TSPAN10: variants seen among roughly 807,000 people sequenced by gnomAD.
The protein encoded by TSPAN10 is tetraspanin 10.
TSPAN10 carries 11 observed loss-of-function variants against 15.0 expected under a neutral mutation model. The ratio of observed to expected loss-of-function variants is 0.73; its 90% confidence interval spans 0.46 to 1.21. TSPAN10 has a LOEUF of 1.21. Ranked by LOEUF, TSPAN10 falls within the 50% of genes most tolerant of loss-of-function variation. The probability of loss-of-function intolerance (pLI) is 0.00; values close to 1 mark genes in which losing one functional copy is unlikely to be tolerated. For missense variants in TSPAN10, 486 were observed against 470.6 expected (o/e 1.03, Z -0.30); for synonymous variants, 241 against 226.2 (o/e 1.07, Z -0.59).
At chr17:81,648,297 G>A (rs1009041804), downstream of TSPAN10, 2 of 1,206,682 alleles carry the variant, frequency 1.7e-6, no homozygotes, top group Non-Finnish European at 2.1e-6. Context: ...GGGGCTGAGC[G>A]CACGCCCCGA....
At chr17:81,640,593 C>T (rs1385950167), upstream of TSPAN10, among the ~76,000 whole-genome samples, 3 of 152,090 alleles carry the variant, frequency 2.0e-5, no homozygotes, top group South Asian at 4.1e-4. Context: ...GGATTACAGG[C>T]ATGCGCCACG....
chr17:81,644,902 G>T, intron 1 of TSPAN10, 90 bp from the exon 3 acceptor site: 2 of 1,546,936 alleles, frequency 1.3e-6, no homozygotes, highest in Non-Finnish European at 1.7e-6. Flanking sequence ...TCCCTCGAAG[G>T]CTCTGCCACC....
At chr17:81,640,733 C>G (rs1234202067), upstream of TSPAN10, among the ~76,000 whole-genome samples, 1 of 152,108 alleles carries the variant, frequency 6.6e-6, no homozygotes, top group East Asian at 1.9e-4. Context: ...CAGGTGTGAG[C>G]TACCGCGCCC....
intron 2 of TSPAN10, 155 bp downstream of exon 3, chr17:81,645,784 C>G: frequency 1.0e-6 from 1 of 982,716 alleles, no homozygotes; most frequent in Non-Finnish European, 1.5e-6. Context: ...CATATCCACA[C>G]TGGCACGTCT....
At chr17:81,639,679 C>T (rs1050693519), upstream of TSPAN10, among the ~76,000 whole-genome samples, 12 of 151,130 alleles carry the variant, frequency 7.9e-5, no homozygotes, top group Middle Eastern at 3.2e-3. Flanking sequence ...CATCCCAGCA[C>T]GGTGGCTCAT....
At chr17:81,645,169 G>A (rs375543036) in exon 2 of TSPAN10, 1 of 1,553,490 alleles carries the variant, frequency 6.4e-7, no homozygotes, top group Non-Finnish European at 8.6e-7. Flanking sequence ...CCTCTCCCCA[G>A]GGAGCAGCTG....
chr17:81,638,474 T>C (rs2036141462), upstream of TSPAN10: 5 of 152,200 alleles, frequency 3.3e-5, no homozygotes, highest in African/African-American at 1.2e-4. Context: ...AATTTTGTAT[T>C]TTTCGTAGAG....
In TSPAN10 at chr17:81,642,473, C is replaced by T. The variant is rs527611233; in HGVS notation, c.36+25C>T. 5.6e-6 allele frequency: 9 copies of T among 1,596,944 alleles called. No individual in the cohort carries two copies. The South Asian group carries it at 9.1e-5, about 16-fold the overall frequency. ...GGTGAGCCATGCCAAGTGGCCTTGC[C>T]CTGAGGTTGGAGATGTCCCCAGCCC... On this transcript the variant is annotated intron_variant, in intron 1 of 2. Coordinates refer to ENST00000611590, the Ensembl canonical transcript of TSPAN10.
At chr17:81,644,845 G>C in intron 1 of TSPAN10, 147 bp from the exon 3 acceptor site, 1 of 1,169,594 alleles carries the variant, frequency 8.5e-7, no homozygotes. Flanking sequence ...CTGGCTGTCC[G>C]CATCTCTGAG....
At position 81,645,640 on chromosome 17, in the gene TSPAN10, G is replaced by C. The variant is rs778210122; in HGVS notation, c.674+11G>C. ...CTGGCAGCAGAACCTGTGAGTCTTG[G>C]AGTGGGCGAGGGACAGGGCCACCAC... On this transcript the variant is annotated intron_variant, in intron 2 of 2. Coordinates refer to ENST00000611590, the Ensembl canonical transcript of TSPAN10. The C allele has an allele frequency of 1.2e-5, 19 of 1,610,766 alleles. No homozygotes were observed. Among genetic ancestry groups the C allele is most frequent in the Non-Finnish European group, 1.6e-5 (19 of 1,179,534 alleles).
chr17:81,645,130 G>A, exon 2 of TSPAN10: 1 of 1,580,278 alleles, frequency 6.3e-7, no homozygotes, highest in Non-Finnish European at 8.5e-7. Flanking sequence ...GGCCTTGAGT[G>A]GCACCCCCAA....
intron 2 of TSPAN10, chr17:81,645,866 T>C (rs902109087): frequency 2.4e-5 from 15 of 624,882 alleles, no homozygotes; most frequent in African/African-American, 2.2e-4. Flanking sequence ...CATGTTCTTG[T>C]GCACACACAA....
chr17:81,645,134 C>T, exon 2 of TSPAN10: 2 of 1,578,142 alleles, frequency 1.3e-6, no homozygotes, highest in Middle Eastern at 1.7e-4. Flanking sequence ...TTGAGTGGCA[C>T]CCCCAAGAAA....
chr17:81,648,265 C>G, exon 3 of TSPAN10: 1 of 1,214,264 alleles, frequency 8.2e-7, no homozygotes, highest in Non-Finnish European at 1.0e-6. Flanking sequence ...CCCCGGCGCC[C>G]CGCCCGCTGC....
At chr17:81,647,340 A>G (rs1463185392) in intron 2 of TSPAN10, 4 of 446,254 alleles carry the variant, frequency 9.0e-6, no homozygotes, top group Non-Finnish European at 1.4e-5. Context: ...GCAGAGCCCC[A>G]GACATCAGTG....
rs779356943 is a variant in TSPAN10, at chr17:81,645,154, C to G, written c.199C>G (p.Pro67Ala). The change falls in exon 2 of 3, where the codon CCT (proline) becomes GCT (alanine). Residue 67 changes from proline (P) to alanine (A), a missense_variant. Physicochemically the swap from Pro to Ala is conservative, Grantham distance 27. Coordinates refer to ENST00000611590, the Ensembl canonical transcript of TSPAN10. ...TGGCACCCCCAAGAAAGGACCAGCC[C>G]CTTCCCTCTCCCCAGGGAGCAGCTG... 6 of 1,563,902 alleles carry G rather than the reference C, an allele frequency of 3.8e-6. No individual in the cohort carries two copies. The South Asian group carries it at 7.2e-5, about 19-fold the overall frequency.
intron 2 of TSPAN10, 166 bp downstream of exon 3, chr17:81,645,795 C>T (rs1408839239): frequency 9.8e-6 from 9 of 918,664 alleles, no homozygotes; most frequent in Admixed American, 2.2e-5. Flanking sequence ...TGGCACGTCT[C>T]GTGCTCACAG....
chr17:81,639,985 A>G (rs1412995128), upstream of TSPAN10, among the ~76,000 whole-genome samples: 1 of 151,770 alleles, frequency 6.6e-6, no homozygotes, highest in Non-Finnish European at 1.5e-5. Context: ...GTCTCAAAAA[A>G]AAAAAAAAAA....
At chr17:81,647,575 G>T in intron 2 of TSPAN10, 1 of 597,050 alleles carries the variant, frequency 1.7e-6, no homozygotes, top group South Asian at 1.5e-5. Flanking sequence ...GAGCTCAGCA[G>T]CCTCTGCGGA....
Sources: gnomAD v4.1 joint callset for allele counts (sites outside exome capture counted in the v4.1 genomes callset) on GRCh38, gnomAD v4.1.1 for gene constraint, MANE v1.5 for transcripts, NCBI Gene and HGNC (gene_info 2026-07-23, HGNC 2026-07-21) for gene names.